Variants in LYRM4 observed in about 807,000 individuals in gnomAD.
The protein encoded by LYRM4 is LYR motif-containing protein 4.
Under a neutral mutation model 11.7 loss-of-function variants are expected in LYRM4, and 9 were observed. The ratio of observed to expected loss-of-function variants is 0.77; its 90% CI spans 0.46 to 1.34. The LOEUF (loss-of-function observed/expected upper bound fraction) is 1.34. LYRM4 is among the 40% of genes most tolerant of loss of function. LYRM4 has a pLI of 0.00. For synonymous variants in LYRM4, 42 were observed against 40.4 expected, an observed-to-expected ratio of 1.04 and a Z score of -0.15; for missense variants, 133 against 112.5, an observed-to-expected ratio of 1.18 and a Z score of -0.82.
the LYRM4 span, among the ~76,000 whole-genome samples, chr6:5,061,567 A>G: frequency 6.6e-6 from 1 of 152,252 alleles, no homozygotes; most frequent in East Asian, 1.9e-4. Flanking sequence ...TGTGTGTTCA[A>G]TAGCAAACGC....
intron 2 of LYRM4, among the ~76,000 whole-genome samples, chr6:5,161,367 A>T (rs1758747674): frequency 6.6e-6 from 1 of 152,224 alleles, no homozygotes; most frequent in Non-Finnish European, 1.5e-5. Context: ...TCTATCTTTA[A>T]AAGTTTTTCT....
At chr6:5,055,812 A>G in the LYRM4 span, among the ~76,000 whole-genome samples, 1 of 152,172 alleles carries the variant, frequency 6.6e-6, no homozygotes, top group Admixed American at 6.5e-5. This position sits in a 1 kb window ranked among gnomAD's most constrained non-coding sequence, Gnocchi z 4.5. Flanking sequence ...CTTGAGAGAC[A>G]GGGCCAAAGG....
chr6:5,243,765 A>G (rs1278684710), intron 1 of LYRM4, among the ~76,000 whole-genome samples: 1 of 152,238 alleles, frequency 6.6e-6, no homozygotes, highest in African/African-American at 2.4e-5. Flanking sequence ...TTATTTTTCC[A>G]TACTTTATCT....
the LYRM4 span, chr6:5,042,681 C>T: frequency 2.0e-5 from 3 of 152,660 alleles, no homozygotes; most frequent in African/African-American, 7.2e-5. Flanking sequence ...CACCCTAGCC[C>T]AAGACATCGC....
chr6:5,138,523 T>TA (rs1366918253), intron 2 of LYRM4, among the ~76,000 whole-genome samples: 1 of 126,306 alleles, frequency 7.9e-6, no homozygotes, highest in East Asian at 2.2e-4. Context: ...AAAAAATCGA[T>TA]AGTTTTTCTT....
chr6:5,038,531 A>G, the LYRM4 span, among the ~76,000 whole-genome samples: 2 of 65,406 alleles, frequency 3.1e-5, 1 homozygote, highest in Non-Finnish European at 7.6e-5. Flanking sequence ...AGGCCAAGGC[A>G]GGCGGCTGGG....
intron 2 of LYRM4, among the ~76,000 whole-genome samples, chr6:5,173,450 G>A (rs1269218214): frequency 1.3e-5 from 2 of 152,214 alleles, no homozygotes; most frequent in African/African-American, 4.8e-5. Flanking sequence ...AATGAATCAC[G>A]AAGTCTGAAT....
intron 2 of LYRM4, among the ~76,000 whole-genome samples, chr6:5,184,214 G>A (rs983044674): frequency 6.6e-6 from 1 of 152,066 alleles, no homozygotes; most frequent in African/African-American, 2.4e-5. Flanking sequence ...ATCCCGAGAT[G>A]TCCACTTTGT....
intron 2 of LYRM4, among the ~76,000 whole-genome samples, chr6:5,206,415 G>C (rs569676645): frequency 6.6e-6 from 1 of 152,150 alleles, no homozygotes; most frequent in African/African-American, 2.4e-5. Flanking sequence ...ATTCCGAAAT[G>C]CACTCACTTA....
At chr6:5,144,122 TAGTC>T (rs1757563409) in intron 2 of LYRM4, 2 of 1,535,878 alleles carry the variant, frequency 1.3e-6, no homozygotes. Context: ...TGTGACCACA[TAGTC>T]AGAATGCTCA....
intron 2 of LYRM4, among the ~76,000 whole-genome samples, chr6:5,120,611 C>G (rs1338742263): frequency 6.6e-6 from 1 of 152,192 alleles, no homozygotes; most frequent in Non-Finnish European, 1.5e-5. Context: ...CCTTATTTGT[C>G]TCTGCCCATG....
the LYRM4 span, chr6:5,085,450 G>C: frequency 6.8e-7 from 1 of 1,464,218 alleles, no homozygotes; most frequent in Admixed American, 2.1e-5. Flanking sequence ...AGAGGGGCCC[G>C]GTTCGGCCCG....
chr6:5,209,587 A>C (rs1761885049), intron 2 of LYRM4, among the ~76,000 whole-genome samples: 1 of 152,204 alleles, frequency 6.6e-6, no homozygotes, highest in Admixed American at 6.5e-5. Context: ...TAGAAGTGGG[A>C]AGAGTGCTAG....
At chr6:5,152,499 G>A (rs532035335) in intron 2 of LYRM4, among the ~76,000 whole-genome samples, 3 of 152,016 alleles carry the variant, frequency 2.0e-5, no homozygotes, top group South Asian at 2.1e-4. Flanking sequence ...ATACCCCATC[G>A]TATCTTCTTT....
chr6:5,259,109 T>C (rs1764819127), intron 1 of LYRM4, among the ~76,000 whole-genome samples: 1 of 152,218 alleles, frequency 6.6e-6, no homozygotes, highest in South Asian at 2.1e-4. Context: ...GGCTCCACCT[T>C]GACTTTCTTA....
chr6:5,124,581 A>G (rs1763617606), intron 2 of LYRM4, among the ~76,000 whole-genome samples: 1 of 152,154 alleles, frequency 6.6e-6, no homozygotes, highest in African/African-American at 2.4e-5. Flanking sequence ...AATCACCTCT[A>G]TTCAGGGAGA....
At chr6:5,239,464 AG>A (rs1456600152) in intron 1 of LYRM4, among the ~76,000 whole-genome samples, 1 of 152,034 alleles carries the variant, frequency 6.6e-6, no homozygotes, top group East Asian at 1.9e-4. Flanking sequence ...AGAGCACACA[AG>A]GTTGGAGCCA....
the LYRM4 span, among the ~76,000 whole-genome samples, chr6:5,058,418 A>G: frequency 6.6e-6 from 1 of 152,032 alleles, no homozygotes; most frequent in African/African-American, 2.4e-5. Flanking sequence ...CTTAACATCC[A>G]CTTCCACACC....
Position 5,146,747 on chromosome 6 carries a change from T to G in LYRM4, c.208-37256A>C, listed in dbSNP as rs1460659024. 3.9e-5 allele frequency among the ~76,000 whole-genome samples: 6 copies of G among 152,330 alleles called. No individual in the cohort carries two copies. In the South Asian group the frequency reaches 8.3e-4, roughly 21 times the overall value. On this transcript the variant is annotated intron_variant, in intron 2 of 2. Coordinates refer to ENST00000330636, the MANE Select transcript of LYRM4 (RefSeq NM_020408.6). ...TAGAGGAGGGGGTTCCTGGGCCTTC[T>G]GCAAAAGGGTTCTTTCCTCTCAAAA...
Sources: gnomAD v4.1 joint callset for allele counts (sites outside exome capture counted in the v4.1 genomes callset) on GRCh38, gnomAD v4.1.1 for gene constraint, Gnocchi (gnomAD v3.1) non-coding constraint, MANE v1.5 for transcripts, NCBI Gene and HGNC (gene_info 2026-07-23, HGNC 2026-07-21) for gene names.